VSTM2A: variants seen among roughly 807,000 people sequenced by gnomAD.
VSTM2A encodes V-set and transmembrane domain-containing protein 2A.
A neutral mutation model predicts 27.3 loss-of-function variants in VSTM2A; 13 were observed. The observed-to-expected ratio is 0.48, with a 90% CI of 0.31 to 0.76. The LOEUF is 0.76. Among genes scored for constraint, VSTM2A ranks in the 30% least tolerant of loss-of-function variants. The pLI is 0.05. For synonymous variants in VSTM2A, 142 were observed against 125.7 expected, an observed-to-expected ratio of 1.13 and a Z score of -0.87; for missense variants, 280 against 310.0, an observed-to-expected ratio of 0.90 and a Z score of 0.73.
intron 4 of VSTM2A, among the ~76,000 whole-genome samples, chr7:54,552,832 A>G (rs973656923): frequency 7.2e-5 from 11 of 152,150 alleles, no homozygotes; most frequent in Non-Finnish European, 1.0e-4. Flanking sequence ...TCCTTCATCT[A>G]TGGTATATGG....
chr7:54,569,769 G>T lies in VSTM2A; in HGVS notation c.*550G>T. On this transcript the variant is annotated 3_prime_UTR_variant, in exon 5 of 5. Transcript: ENST00000402613. ...GGAGGTTTATAGAACTACATTTTGA[G>T]TGTTCTATATTTCAGTGTATTTTAA... 6.5e-6 allele frequency: 1 copy of T among 153,148 alleles called. No homozygotes were observed. Among genetic ancestry groups the T allele is most frequent in the Non-Finnish European group, 1.5e-5 (1 of 68,722 alleles). The allele number at this position is 153,148 out of a possible 1,614,324, so 9.5% of individuals were successfully genotyped here. A position where few individuals can be genotyped will look rare whatever the true frequency, so the allele number is the denominator to read the frequency against.
intron 3 of VSTM2A, among the ~76,000 whole-genome samples, chr7:54,548,344 A>G (rs919986006): frequency 6.6e-6 from 1 of 151,938 alleles, no homozygotes; most frequent in African/African-American, 2.4e-5. Flanking sequence ...TGAGGCAGAA[A>G]GTAGTTTGTT....
chr7:54,551,858 G>T (rs924993023), intron 4 of VSTM2A: 9 of 152,184 alleles, frequency 5.9e-5, no homozygotes, highest in African/African-American at 2.2e-4. Flanking sequence ...TTCCAAGTTA[G>T]ATGTCATCAA....
chr7:54,554,090 G>A (rs752839060), intron 4 of VSTM2A: 35 of 1,550,638 alleles, frequency 2.3e-5, no homozygotes, highest in Non-Finnish European at 2.7e-5. Flanking sequence ...TGCCCAGGTC[G>A]CTCGCACTCC....
intron 4 of VSTM2A, chr7:54,554,060 G>A (rs1788276148): frequency 6.4e-7 from 1 of 1,552,116 alleles, no homozygotes; most frequent in Non-Finnish European, 8.7e-7. Flanking sequence ...AGAGCTGCGT[G>A]CTGGCTCCTC....
intron 3 of VSTM2A, among the ~76,000 whole-genome samples, chr7:54,549,113 A>G (rs1417681108): frequency 1.3e-5 from 2 of 151,910 alleles, no homozygotes; most frequent in African/African-American, 4.8e-5. Context: ...GAAGAAATAA[A>G]TAAGCCAATT....
rs1788869794 is a variant in VSTM2A at position 54,570,766 on chromosome 7, C to G, written c.*1547C>G. The G allele has an allele frequency of 6.6e-6, 1 of 152,104 alleles. No homozygotes were observed. Among genetic ancestry groups the G allele is most frequent in the Non-Finnish European group, 1.5e-5 (1 of 68,014 alleles). 9.4% of individuals were successfully genotyped at this position (152,104 alleles called of 1,614,324 possible). A position where few individuals can be genotyped will look rare whatever the true frequency, so the allele number is the denominator to read the frequency against. ...GAGATAAATGACCTAAGTTTTCCTTCCAGAGAGACTCTTCCATTTTCTCTC... is the reference window on the plus strand; with the variant it reads ...GAGATAAATGACCTAAGTTTTCCTTGCAGAGAGACTCTTCCATTTTCTCTC... On this transcript the variant is annotated 3_prime_UTR_variant, in exon 5 of 5. Transcript: ENST00000402613.
intron 4 of VSTM2A, among the ~76,000 whole-genome samples, chr7:54,560,738 T>C (rs1258932167): frequency 6.6e-6 from 1 of 152,186 alleles, no homozygotes; most frequent in Admixed American, 6.5e-5. Context: ...TCTTATTCCA[T>C]GAAGCTGACA....
At chr7:54,567,324 A>C (rs908297788) in intron 4 of VSTM2A, among the ~76,000 whole-genome samples, 1 of 152,240 alleles carries the variant, frequency 6.6e-6, no homozygotes. Flanking sequence ...ATCTGATGGA[A>C]GTTCAAAATG....
At chr7:54,562,228 T>A (rs1159091104) in intron 4 of VSTM2A, among the ~76,000 whole-genome samples, 1 of 152,232 alleles carries the variant, frequency 6.6e-6, no homozygotes, top group Non-Finnish European at 1.5e-5. Flanking sequence ...AGCCTTTAGT[T>A]TTTATATTTA....
intron 1 of VSTM2A, 118 bp from the exon 2 acceptor site, chr7:54,544,504 T>TGAA (rs762210343): frequency 7.2e-6 from 9 of 1,253,622 alleles, no homozygotes; most frequent in Non-Finnish European, 9.2e-6. Context: ...AAGCCGAGGA[T>TGAA]GTAAGAGAGG....
rs1787885541 is a variant in VSTM2A at position 54,544,681 on chromosome 7, T to A, written c.139T>A (p.Ser47Thr). The stretch of plus-strand genomic sequence containing the variant: ...GACCGAGGGGCAGAATGTGGAGATG[T>A]CCTGCGCCTTCCAGAGCGGCTCCGC... ...TATEGQNVEM[S>T]CAFQSGSASV... Residue 47 changes from serine (S) to threonine (T), a missense_variant, in exon 2 of 5, where the codon TCC becomes ACC. Transcript: ENST00000402613. The A allele has an allele frequency of 6.2e-7, 1 of 1,612,824 alleles. No individual in the cohort carries two copies. The highest frequency in any genetic ancestry group is 2.2e-5 in the East Asian group (1 of 44,872).
At chr7:54,546,436 G>A (rs1787971637) in intron 2 of VSTM2A, among the ~76,000 whole-genome samples, 1 of 151,912 alleles carries the variant, frequency 6.6e-6, no homozygotes, top group African/African-American at 2.4e-5. Flanking sequence ...AGGAGCGCGG[G>A]GCGGGACGGC....
chr7:54,561,768 A>G (rs1788569188), intron 4 of VSTM2A, among the ~76,000 whole-genome samples: 1 of 152,148 alleles, frequency 6.6e-6, no homozygotes, highest in South Asian at 2.1e-4. Context: ...TATATGGGTA[A>G]AATCTTAAGA....
chr7:54,559,755 G>A (rs1788491029), intron 4 of VSTM2A: 1 of 152,136 alleles, frequency 6.6e-6, no homozygotes, highest in South Asian at 2.1e-4. Flanking sequence ...CCTAGTGAAT[G>A]TGTTAAAGCA....
chr7:54,569,087 C>T (rs376012464), intron 4 of VSTM2A, 44 bp from the exon 5 acceptor site: 13 of 1,602,416 alleles, frequency 8.1e-6, no homozygotes, highest in African/African-American at 4.0e-5. Context: ...TTGCTTTAAT[C>T]TAAAGTGCTG....
chr7:54,568,636 C>T (rs980064577), intron 4 of VSTM2A, among the ~76,000 whole-genome samples: 21 of 151,766 alleles, frequency 1.4e-4, no homozygotes, highest in African/African-American at 4.6e-4. Flanking sequence ...GTCATATCCC[C>T]TGTGGATTTA....
chr7:54,555,032 C>T (rs990250583), intron 4 of VSTM2A, among the ~76,000 whole-genome samples: 1 of 152,210 alleles, frequency 6.6e-6, no homozygotes, highest in African/African-American at 2.4e-5. Flanking sequence ...CCTATGATCC[C>T]AAACTCTTTT....
intron 4 of VSTM2A, chr7:54,551,983 A>T (rs190588780): frequency 2.6e-5 from 4 of 152,342 alleles, no homozygotes; most frequent in Admixed American, 2.6e-4. Flanking sequence ...GGGGTTTAAT[A>T]ATGCAATCTC....
Sources: allele counts gnomAD v4.1 joint callset (sites outside exome capture counted in the v4.1 genomes callset), GRCh38; gene constraint gnomAD v4.1.1; transcripts MANE v1.5; gene names NCBI Gene and HGNC (gene_info 2026-07-23, HGNC 2026-07-21).